Variants in MYO3A observed in about 807,000 individuals in gnomAD.
MYO3A encodes the protein myosin IIIA, also known as myosin-IIIa.
In MYO3A, 180 loss-of-function variants were observed where a neutral mutation model predicts 192.7. That is an observed-to-expected ratio of 0.93 (90% CI 0.83 to 1.06). MYO3A has a LOEUF of 1.06. Ranked by LOEUF, MYO3A falls within the 50% of genes least tolerant of loss-of-function variation. The pLI is 0.00. For missense variants in MYO3A, 1,896 were observed against 1,905.0 expected (o/e 1.00, Z 0.09); for synonymous variants, 628 against 645.3 (o/e 0.97, Z 0.41).
intron 18 of MYO3A, among the ~76,000 whole-genome samples, chr10:26,124,721 G>T (rs573411712): frequency 7.2e-5 from 11 of 152,186 alleles, no homozygotes; most frequent in African/African-American, 1.4e-4. Flanking sequence ...ATTCAAAAAT[G>T]AGTTTTGTTC....
In MYO3A at chr10:26,074,585, A is replaced by G. The variant is rs1835412612; in HGVS notation, c.1359+4184A>G. ...CTTCATTTTTTTCTTTTATATATAT[A>G]TAAAATATATAATATATATTATATT... On this transcript the variant is annotated intron_variant, in intron 14 of 34. Coordinates refer to ENST00000642920, the MANE Select transcript of MYO3A (RefSeq NM_017433.5). Among the ~76,000 whole-genome samples, 3 of 147,586 alleles carry G rather than the reference A, an allele frequency of 2.0e-5. No homozygotes were observed. In the South Asian group the frequency reaches 6.3e-4, roughly 31 times the overall value.
chr10:26,096,362 TA>T lies in MYO3A; in HGVS notation c.1563-16del. 1 of 1,530,488 alleles carries T rather than the reference TA, an allele frequency of 6.5e-7. No homozygotes were observed. The highest frequency in any genetic ancestry group is 9.0e-7 in the Non-Finnish European group (1 of 1,106,654). 94.8% of individuals were successfully genotyped at this position (1,530,488 alleles called of 1,614,324 possible). On this transcript the variant is annotated intron_variant, in intron 15 of 34. Transcript: ENST00000642920. ...AATGTTCTTACTAACTACCTTACTG[TA>T]AATATCTTTTTTTCCAGTGGAGAAA... is the stretch of plus-strand genomic sequence containing the variant.
At chr10:26,176,526 G>T (rs1248038555) in intron 30 of MYO3A, among the ~76,000 whole-genome samples, 175 bp from the exon 31 acceptor site, 3 of 152,164 alleles carry the variant, frequency 2.0e-5, no homozygotes, top group African/African-American at 7.2e-5. Context: ...GCACAAGGGG[G>T]GAAGGTTGTC....
intron 10 of MYO3A, among the ~76,000 whole-genome samples, chr10:26,053,779 C>T (rs776290817): frequency 3.3e-5 from 5 of 151,762 alleles, no homozygotes; most frequent in Non-Finnish European, 5.9e-5. Flanking sequence ...GAGCTGAGAT[C>T]GCGCCATTGC....
chr10:26,113,341 G>A (rs1838306106), intron 17 of MYO3A, among the ~76,000 whole-genome samples: 3 of 151,904 alleles, frequency 2.0e-5, no homozygotes, highest in South Asian at 2.1e-4. Flanking sequence ...GTGGCAGCGT[G>A]CACCTATAAT....
At chr10:25,963,506 G>A (rs1838069916) in intron 4 of MYO3A, among the ~76,000 whole-genome samples, 1 of 152,180 alleles carries the variant, frequency 6.6e-6, no homozygotes, top group African/African-American at 2.4e-5. Flanking sequence ...TACACAGAAG[G>A]GAATATAAAG....
chr10:26,097,913 T>C (rs1480577700), intron 17 of MYO3A, among the ~76,000 whole-genome samples: 2 of 152,220 alleles, frequency 1.3e-5, no homozygotes, highest in East Asian at 3.9e-4. Flanking sequence ...TGTGTGATAA[T>C]CCTTTGGGTA....
intron 4 of MYO3A, among the ~76,000 whole-genome samples, chr10:25,976,871 A>G (rs1185212122): frequency 6.6e-6 from 1 of 152,106 alleles, no homozygotes; most frequent in Non-Finnish European, 1.5e-5. Context: ...ATTCACCTGG[A>G]TGCAATTATT....
chr10:25,968,742 C>T (rs1357615239), intron 4 of MYO3A, among the ~76,000 whole-genome samples: 2 of 152,244 alleles, frequency 1.3e-5, no homozygotes, highest in Non-Finnish European at 2.9e-5. Context: ...AAACAATTCA[C>T]ATTTTCAGTT....
At chr10:26,057,924 A>G (rs1834211976) in intron 10 of MYO3A, among the ~76,000 whole-genome samples, 1 of 151,324 alleles carries the variant, frequency 6.6e-6, no homozygotes, top group African/African-American at 2.4e-5. Context: ...AGCCTTCTCC[A>G]CTGTCAACAT....
intron 10 of MYO3A, among the ~76,000 whole-genome samples, chr10:26,053,600 C>T (rs774380625): frequency 7.2e-5 from 11 of 152,016 alleles, no homozygotes; most frequent in Admixed American, 1.3e-4. Flanking sequence ...CCATGGAGGG[C>T]GGATCGCGAG....
rs1839157834 is a variant in MYO3A, at chr10:26,125,407, T to G, written c.1913T>G (p.Leu638Trp). The part of the protein sequence containing the change: ...NHTALENCAS[L>W]LCIRADELQE... ...TCTGTTTGTTTTTCAGGTGCTTCTTTGCTTTGCATTCGGGCAGATGAGCTA... is the reference window on the plus strand; with the variant it reads ...TCTGTTTGTTTTTCAGGTGCTTCTTGGCTTTGCATTCGGGCAGATGAGCTA... Residue 638 changes from leucine (L) to tryptophan (W), a missense_variant, in exon 19 of 35, where the codon TTG becomes TGG. Physicochemically the swap from Leu to Trp is moderately conservative, Grantham distance 61. Transcript: ENST00000642920. 9.3e-6 allele frequency: 15 copies of G among 1,614,024 alleles called. No individual in the cohort carries two copies. The highest frequency in any genetic ancestry group is 1.3e-5 in the Non-Finnish European group (15 of 1,179,906).
intron 29 of MYO3A, among the ~76,000 whole-genome samples, chr10:26,172,401 C>CA (rs1842095480): frequency 6.6e-6 from 1 of 152,208 alleles, no homozygotes; most frequent in Non-Finnish European, 1.5e-5. Context: ...GGTTGATCCT[C>CA]AGAAGCACCC....
intron 17 of MYO3A, among the ~76,000 whole-genome samples, chr10:26,115,609 T>G (rs1057360491): frequency 6.6e-6 from 1 of 152,222 alleles, no homozygotes; most frequent in Non-Finnish European, 1.5e-5. Context: ...TTTTCTTTAT[T>G]CATTTAACTC....
At chr10:25,934,614 G>A (rs561970803) in intron 1 of MYO3A, among the ~76,000 whole-genome samples, 59 of 151,754 alleles carry the variant, frequency 3.9e-4, no homozygotes, top group Non-Finnish European at 6.9e-4. Context: ...GAGAGCTCGA[G>A]GGGAGGAGAG....
intron 1 of MYO3A, among the ~76,000 whole-genome samples, chr10:25,934,845 G>A (rs1835943783): frequency 6.6e-6 from 1 of 152,076 alleles, no homozygotes. Context: ...GGAAACAGGA[G>A]GAGGGAACGG....
intron 32 of MYO3A, among the ~76,000 whole-genome samples, chr10:26,200,526 C>A (rs909577748): frequency 2.6e-5 from 4 of 152,222 alleles, no homozygotes; most frequent in East Asian, 3.9e-4. Context: ...AGCACACACA[C>A]AAAAACACAT....
chr10:25,999,156 C>T (rs770635584), intron 6 of MYO3A, among the ~76,000 whole-genome samples: 7 of 152,168 alleles, frequency 4.6e-5, no homozygotes, highest in Non-Finnish European at 8.8e-5. Flanking sequence ...TCTCGGCCTC[C>T]CAAAGGGCTG....
intron 10 of MYO3A, among the ~76,000 whole-genome samples, chr10:26,051,278 G>C (rs902559951): frequency 6.6e-6 from 1 of 152,024 alleles, no homozygotes; most frequent in African/African-American, 2.4e-5. Flanking sequence ...AATGCCAGAA[G>C]CCACTAAAAA....
Sources: allele counts gnomAD v4.1 joint callset (sites outside exome capture counted in the v4.1 genomes callset), GRCh38; gene constraint gnomAD v4.1.1; transcripts MANE v1.5; gene names NCBI Gene and HGNC (gene_info 2026-07-23, HGNC 2026-07-21).